Variants in NRCAM observed in about 807,000 individuals in gnomAD.
NRCAM encodes the protein neuronal cell adhesion molecule.
In NRCAM, 83 loss-of-function variants were observed where a neutral mutation model predicts 156.5. That is an observed-to-expected ratio of 0.53 (90% CI 0.44 to 0.64). The LOEUF (loss-of-function observed/expected upper bound fraction) is 0.64, where lower values mean the gene tolerates loss of function less well. NRCAM is among the 30% of genes least tolerant of loss of function. The pLI is 0.00. For synonymous variants in NRCAM, 538 were observed against 563.9 expected (o/e 0.95, Z 0.65); for missense variants, 1,417 against 1,597.3 (o/e 0.89, Z 1.92).
At chr7:108,392,086 T>C (rs1422077875) in intron 2 of NRCAM, among the ~76,000 whole-genome samples, 3 of 152,258 alleles carry the variant, frequency 2.0e-5, no homozygotes, top group East Asian at 1.9e-4. Flanking sequence ...ATCTTTGTGG[T>C]GTTCTCTGTA....
At chr7:108,421,559 C>A (rs1289274092) in intron 1 of NRCAM, among the ~76,000 whole-genome samples, 2 of 152,050 alleles carry the variant, frequency 1.3e-5, no homozygotes, top group Non-Finnish European at 2.9e-5. Flanking sequence ...ATATTAGAAT[C>A]ATTATTACTA....
At chr7:108,368,676 A>G (rs566255324) in intron 2 of NRCAM, among the ~76,000 whole-genome samples, 47 of 152,326 alleles carry the variant, frequency 3.1e-4, no homozygotes, top group African/African-American at 1.1e-3. Flanking sequence ...TGTAGTGCCA[A>G]GGGCCAGCTG....
At chr7:108,271,205 T>G (rs1413371695) in intron 3 of NRCAM, among the ~76,000 whole-genome samples, 3 of 152,176 alleles carry the variant, frequency 2.0e-5, no homozygotes, top group African/African-American at 2.4e-5. Flanking sequence ...TTTTAAAAAT[T>G]ACGGTTTCCA....
rs542335420 is a variant in NRCAM, at chr7:108,267,412, C to T, written c.-106-27242G>A. Among the ~76,000 whole-genome samples the T allele has an allele frequency of 5.6e-4, 86 of 152,326 alleles. 1 individual carries two copies. The highest frequency in any genetic ancestry group is 1.1e-3 in the Non-Finnish European group (77 of 68,026). ...CCCTCAATAGGCAACCACACACTTT[C>T]GGTCAGGGTTCTTGGGCACTTGGCT... On this transcript the variant is annotated intron_variant, in intron 3 of 32. Coordinates refer to ENST00000379028, the MANE Select transcript of NRCAM (RefSeq NM_001037132.4).
intron 3 of NRCAM, among the ~76,000 whole-genome samples, chr7:108,306,307 T>C (rs938664700): frequency 2.0e-5 from 3 of 152,230 alleles, no homozygotes; most frequent in African/African-American, 7.2e-5. Flanking sequence ...TTTTTTATTA[T>C]ATAAAAATTC....
At chr7:108,442,237 G>A (rs562576948) in intron 1 of NRCAM, among the ~76,000 whole-genome samples, 340 of 152,254 alleles carry the variant, frequency 2.2e-3, no homozygotes, top group African/African-American at 7.8e-3. Flanking sequence ...AGAGCCCGGT[G>A]AGTCACAGAC....
chr7:108,386,260 C>T lies in NRCAM; in HGVS notation c.-174+13176G>A, dbSNP rs73714844. Among the ~76,000 whole-genome samples, 727 of 152,164 alleles carry T rather than the reference C, an allele frequency of 4.8e-3. 7 individuals are homozygous for T. Among genetic ancestry groups the T allele is most frequent in the African/African-American group, 0.017 (700 of 41,514 alleles). On this transcript the variant is annotated intron_variant, in intron 2 of 32. Transcript: ENST00000379028. Reference sequence around the variant, plus strand: ...GCCAATTACTATTTGACAAAACATGCCAAGGAGAAAATGCAAAGTCCAATA... The same window carrying T: ...GCCAATTACTATTTGACAAAACATGTCAAGGAGAAAATGCAAAGTCCAATA...
chr7:108,315,176 T>C (rs1032792489), intron 2 of NRCAM, among the ~76,000 whole-genome samples: 2 of 152,216 alleles, frequency 1.3e-5, no homozygotes, highest in African/African-American at 4.8e-5. Context: ...TTTATCACTA[T>C]AAAATGACAG....
chr7:108,223,315 A>G, intron 11 of NRCAM, among the ~76,000 whole-genome samples: 1 of 152,230 alleles, frequency 6.6e-6, no homozygotes, highest in East Asian at 1.9e-4. Flanking sequence ...ACAAGTGATC[A>G]GTAATCAATA....
At chr7:108,399,303 G>C (rs2099785356) in intron 2 of NRCAM, 133 bp downstream of exon 2, 1 of 152,120 alleles carries the variant, frequency 6.6e-6, no homozygotes, top group East Asian at 1.9e-4. Context: ...CCAAAAAAGA[G>C]AAACTATCAA....
intron 13 of NRCAM, among the ~76,000 whole-genome samples, chr7:108,201,498 T>C (rs770117361): frequency 1.6e-4 from 24 of 152,250 alleles, no homozygotes; most frequent in Non-Finnish European, 3.1e-4. Context: ...TGAAGATCTG[T>C]TGCACAATGT....
chr7:108,307,087 T>A (rs1309925128), intron 3 of NRCAM, among the ~76,000 whole-genome samples: 1 of 152,174 alleles, frequency 6.6e-6, no homozygotes, highest in African/African-American at 2.4e-5. Flanking sequence ...GACACTTCTG[T>A]CAGATGATAA....
At chr7:108,423,744 C>A (rs1813356776) in intron 1 of NRCAM, among the ~76,000 whole-genome samples, 1 of 152,246 alleles carries the variant, frequency 6.6e-6, no homozygotes. Flanking sequence ...CTGTTCTCTA[C>A]CACTCGGTGT....
chr7:108,384,207 T>A lies in NRCAM; in HGVS notation c.-174+15229A>T, dbSNP rs972791091. 1.3e-5 allele frequency among the ~76,000 whole-genome samples: 2 copies of A among 152,202 alleles called. 1 individual carries two copies. The highest frequency in any genetic ancestry group is 1.3e-4 in the Admixed American group (2 of 15,280). On this transcript the variant is annotated intron_variant, in intron 2 of 32. Transcript: ENST00000379028. ...CAAACCCCAAAGACATGTGTTTACCTATGTAACAAACCTTCACATGTGCCC... is the reference window on the plus strand; with the variant it reads ...CAAACCCCAAAGACATGTGTTTACCAATGTAACAAACCTTCACATGTGCCC...
chr7:108,402,569 C>A (rs2099795885), intron 1 of NRCAM, among the ~76,000 whole-genome samples: 1 of 152,160 alleles, frequency 6.6e-6, no homozygotes, highest in Non-Finnish European at 1.5e-5. Flanking sequence ...CTAAATCCAA[C>A]CATCTATCTG....
intron 22 of NRCAM, among the ~76,000 whole-genome samples, chr7:108,183,265 A>C (rs573815065): frequency 6.7e-6 from 1 of 149,528 alleles, no homozygotes; most frequent in South Asian, 2.2e-4. Context: ...ATAGTACATC[A>C]TTGTCCATTT....
chr7:108,324,990 A>AG (rs988109571), intron 2 of NRCAM, among the ~76,000 whole-genome samples: 2 of 149,096 alleles, frequency 1.3e-5, no homozygotes, highest in African/African-American at 4.9e-5. Context: ...AAACAATAGG[A>AG]GTGAAACCTC....
intron 2 of NRCAM, among the ~76,000 whole-genome samples, chr7:108,331,874 C>G (rs2099130700): frequency 6.6e-6 from 1 of 152,154 alleles, no homozygotes; most frequent in African/African-American, 2.4e-5. Context: ...TCTCCTAGCA[C>G]AGAAATGATG....
chr7:108,163,515 T>C (rs2050763343), intron 30 of NRCAM, among the ~76,000 whole-genome samples: 1 of 152,182 alleles, frequency 6.6e-6, no homozygotes, highest in Non-Finnish European at 1.5e-5. Flanking sequence ...TTAGATGTGT[T>C]TAGGAAGAGC....
Sources: gnomAD v4.1 joint callset for allele counts (sites outside exome capture counted in the v4.1 genomes callset) on GRCh38, gnomAD v4.1.1 for gene constraint, MANE v1.5 for transcripts, NCBI Gene and HGNC (gene_info 2026-07-23, HGNC 2026-07-21) for gene names.